Variants in TOP2A observed in about 807,000 individuals in gnomAD.
TOP2A encodes DNA topoisomerase 2-alpha.
In TOP2A, 68 loss-of-function variants were observed where a neutral mutation model predicts 187.2. The ratio of observed to expected loss-of-function variants is 0.36; its 90% confidence interval spans 0.30 to 0.44. TOP2A has a LOEUF of 0.44. TOP2A is among the 20% of genes least tolerant of loss of function. The pLI is 1.00. For missense variants in TOP2A, 1,196 were observed against 1,808.7 expected, an observed-to-expected ratio of 0.66 and a Z score of 6.14; for synonymous variants, 542 against 593.2, an observed-to-expected ratio of 0.91 and a Z score of 1.25.
In TOP2A at chr17:40,398,660, A is replaced by G. The variant is rs373685712; in HGVS notation, c.3454-19T>C. 2.3e-5 allele frequency: 37 copies of G among 1,602,768 alleles called. No individual in the cohort carries two copies. The highest frequency in any genetic ancestry group is 3.0e-5 in the Non-Finnish European group (35 of 1,175,528). ...CTTGTTCCTTCATAAGATAATTACA[A>G]AATTGAGTTAATATATGTATACAAG... is the stretch of plus-strand genomic sequence containing the variant. On this transcript the variant is annotated intron_variant, in intron 26 of 34. Transcript: ENST00000423485.
At chr17:40,396,533 C>G (rs1454486692) in intron 27 of TOP2A, 68 bp from the exon 28 acceptor site, 2 of 1,547,918 alleles carry the variant, frequency 1.3e-6, no homozygotes, top group East Asian at 4.5e-5. Flanking sequence ...AAACACCCAA[C>G]AGTTAAACTG....
At chr17:40,409,533 T>A (rs1432272731) in intron 10 of TOP2A, 2 of 426,432 alleles carry the variant, frequency 4.7e-6, no homozygotes, top group South Asian at 3.4e-5. Flanking sequence ...CCGAGGATGG[T>A]GGATCAAGTG....
At position 40,401,196 on chromosome 17, in the gene TOP2A, AAT is replaced by A. The variant is rs2035176321; in HGVS notation, c.2433-117_2433-116del. The A allele has an allele frequency of 3.5e-6, 3 of 848,990 alleles. No homozygotes were observed. The South Asian group carries it at 5.3e-5, about 15-fold the overall frequency. The allele number at this position is 848,990 out of a possible 1,614,324, so 52.6% of individuals were successfully genotyped here. ...ATTATCTTGGTTTTACTTGCTGACTAATATACATTTAACAATATTTATTGAGC... is the reference window on the plus strand; with the variant it reads ...ATTATCTTGGTTTTACTTGCTGACTAATACATTTAACAATATTTATTGAGC... On this transcript the variant is annotated intron_variant, in intron 20 of 34. Coordinates refer to ENST00000423485, the MANE Select transcript of TOP2A (RefSeq NM_001067.4).
At chr17:40,407,352 G>C (rs911952985) in intron 13 of TOP2A, among the ~76,000 whole-genome samples, 197 bp downstream of exon 13, 1 of 152,094 alleles carries the variant, frequency 6.6e-6, no homozygotes, top group Non-Finnish European at 1.5e-5. Context: ...ATCAAAAAAG[G>C]TCTGTTCAAA....
chr17:40,392,226 A>C lies in TOP2A; in HGVS notation c.4080T>G (p.Thr1360=). ...TTAGATAAGATACTTGCTTTGGGGA[A>C]GTTTTGGTCTTAGGTGGACTAGCAT... ...PSDASPPKTK[T]SPKLSNKELK... Residue 1360 remains threonine (T), a synonymous_variant, in exon 31 of 35, where the codon ACT becomes ACG. Coordinates refer to ENST00000423485, the MANE Select transcript of TOP2A (RefSeq NM_001067.4). 3 of 1,613,140 alleles carry C rather than the reference A, an allele frequency of 1.9e-6. No individual in the cohort carries two copies. The highest frequency in any genetic ancestry group is 1.7e-6 in the Non-Finnish European group (2 of 1,179,574).
intron 28 of TOP2A, 29 bp from the exon 29 acceptor site, chr17:40,395,568 A>G: frequency 6.7e-7 from 1 of 1,484,084 alleles, no homozygotes; most frequent in Non-Finnish European, 9.3e-7. Flanking sequence ...AGGGTTGGAT[A>G]TAGAATAAAT....
intron 16 of TOP2A, among the ~76,000 whole-genome samples, chr17:40,405,847 A>G (rs1450049403): frequency 2.0e-5 from 3 of 151,070 alleles, no homozygotes; most frequent in African/African-American, 7.3e-5. Flanking sequence ...GCTCACTGCA[A>G]CCTCTGCCTC....
At chr17:40,395,683 G>A (rs964329064) in intron 28 of TOP2A, 144 bp from the exon 29 acceptor site, 4 of 506,198 alleles carry the variant, frequency 7.9e-6, no homozygotes, top group African/African-American at 5.9e-5. Flanking sequence ...ATCTCTTGAG[G>A]TCAGGAGTTC....
Position 40,416,730 on chromosome 17 carries a change from T to G in TOP2A, c.177+10A>C. On this transcript the variant is annotated intron_variant, in intron 2 of 34. Coordinates refer to ENST00000423485, the MANE Select transcript of TOP2A (RefSeq NM_001067.4). ...ACTAGGTTAACTGCCTTTGATGAGCTTGATTTTACCTGGGTCACTAATTCC... is the reference window on the plus strand; with the variant it reads ...ACTAGGTTAACTGCCTTTGATGAGCGTGATTTTACCTGGGTCACTAATTCC... 5.0e-6 allele frequency: 8 copies of G among 1,605,298 alleles called. No individual in the cohort carries two copies. The highest frequency in any genetic ancestry group is 6.8e-6 in the Non-Finnish European group (8 of 1,177,368).
At chr17:40,393,190 G>A (rs1366811045) in intron 29 of TOP2A, among the ~76,000 whole-genome samples, 2 of 152,046 alleles carry the variant, frequency 1.3e-5, no homozygotes, top group Non-Finnish European at 2.9e-5. Flanking sequence ...GCATGGTGGA[G>A]TGCGCCTGTG....
At chr17:40,397,169 G>A (rs371526627) in intron 27 of TOP2A, among the ~76,000 whole-genome samples, 4 of 152,152 alleles carry the variant, frequency 2.6e-5, no homozygotes, top group African/African-American at 9.6e-5. Context: ...TTACAGGTGT[G>A]AGCCACAGTG....
At position 40,388,780 on chromosome 17, in the gene TOP2A, C is replaced by T. The variant is rs771576610; in HGVS notation, c.*739G>A. 20 of 194,344 alleles carry T rather than the reference C, an allele frequency of 1.0e-4. No homozygotes were observed. The highest frequency in any genetic ancestry group is 3.8e-4 in the South Asian group (2 of 5,200). The allele number at this position is 194,344 out of a possible 1,614,324, so 12.0% of individuals were successfully genotyped here. ...TCAAATGTTGTCCCCGAGTCTTCTGCAATCCAGTCCTCTTAGAAATTGGTT... is the reference window on the plus strand; with the variant it reads ...TCAAATGTTGTCCCCGAGTCTTCTGTAATCCAGTCCTCTTAGAAATTGGTT... On this transcript the variant is annotated 3_prime_UTR_variant, in exon 35 of 35. Coordinates refer to ENST00000423485, the MANE Select transcript of TOP2A (RefSeq NM_001067.4).
intron 5 of TOP2A, 88 bp from the exon 6 acceptor site, chr17:40,413,380 T>C (rs139349292): frequency 0.01 from 14,060 of 1,389,892 alleles, 104 homozygotes; most frequent in Middle Eastern, 0.024. Flanking sequence ...TATTCAATTA[T>C]AGAGATTTAT....
intron 23 of TOP2A, 49 bp from the exon 24 acceptor site, chr17:40,400,116 A>C: frequency 6.3e-7 from 1 of 1,592,328 alleles, no homozygotes; most frequent in Non-Finnish European, 8.6e-7. Flanking sequence ...AATTGGCTAA[A>C]CTTTATAAAG....
At chr17:40,396,174 T>G in intron 28 of TOP2A, 109 bp downstream of exon 28, 1 of 593,454 alleles carries the variant, frequency 1.7e-6, no homozygotes, top group Non-Finnish European at 2.9e-6. Context: ...AGAGACAGGG[T>G]TTCAACCATG....
At position 40,400,607 on chromosome 17, in the gene TOP2A, A is replaced by G. The variant is rs2035166613; in HGVS notation, c.2721T>C (p.Tyr907=). ...GTIEELAPNQ[Y]VISGEVAILN... ...GAATAGCTACTTCACCACTAATCAC[A>G]TATTGATTTGGAGCCAGTTCTTCAA... The change falls in exon 22 of 35, where the codon TAT becomes TAC. Residue 907 remains tyrosine (Y), a synonymous_variant. Transcript: ENST00000423485. The G allele has an allele frequency of 6.2e-7, 1 of 1,610,470 alleles. No homozygotes were observed. The highest frequency in any genetic ancestry group is 8.5e-7 in the Non-Finnish European group (1 of 1,178,716).
intron 28 of TOP2A, among the ~76,000 whole-genome samples, chr17:40,395,751 C>T (rs968247071): frequency 6.6e-5 from 10 of 151,946 alleles, no homozygotes; most frequent in African/African-American, 2.4e-4. Context: ...CAAAAATTAG[C>T]TGGGTGTGGT....
At chr17:40,416,927 G>A (rs757624677) in intron 1 of TOP2A, 32 bp from the exon 2 acceptor site, 31 of 1,547,198 alleles carry the variant, frequency 2.0e-5, no homozygotes, top group Non-Finnish European at 2.7e-5. Context: ...AGAAAGAAGG[G>A]AATTTTTAAT....
chr17:40,395,796 G>A (rs2035089113), intron 28 of TOP2A, among the ~76,000 whole-genome samples: 1 of 151,890 alleles, frequency 6.6e-6, no homozygotes, highest in Non-Finnish European at 1.5e-5. Flanking sequence ...GCTGAGGCAC[G>A]AGAATCGCTT....
Sources: gnomAD v4.1 joint callset for allele counts (sites outside exome capture counted in the v4.1 genomes callset) on GRCh38, gnomAD v4.1.1 for gene constraint, MANE v1.5 for transcripts, NCBI Gene and HGNC (gene_info 2026-07-23, HGNC 2026-07-21) for gene names.